Variants in CSMD1 observed in about 807,000 individuals in gnomAD.
CSMD1 encodes the protein CUB and sushi domain-containing protein 1.
In CSMD1, 213 loss-of-function variants were observed where a neutral mutation model predicts 417.5. The ratio of observed to expected loss-of-function variants is 0.51; its 90% confidence interval spans 0.46 to 0.57. The LOEUF is 0.57. Ranked by LOEUF, CSMD1 falls within the 20% of genes least tolerant of loss-of-function variation. The pLI, the probability that CSMD1 is intolerant of heterozygous loss-of-function variation, is 0.00. For missense variants in CSMD1, 6,923 were observed against 4,529.7 expected, an observed-to-expected ratio of 1.53 and a Z score of -15.17; for synonymous variants, 2,862 against 1,736.8, an observed-to-expected ratio of 1.65 and a Z score of -16.11.
chr8:3,549,172 G>A (rs951207357), intron 10 of CSMD1, among the ~76,000 whole-genome samples: 10 of 152,148 alleles, frequency 6.6e-5, no homozygotes, highest in Admixed American at 3.3e-4. Context: ...TACAGCTCAC[G>A]GTCCACATCC....
intron 2 of CSMD1, among the ~76,000 whole-genome samples, chr8:4,513,276 C>A (rs1438953488): frequency 6.6e-6 from 1 of 151,962 alleles, no homozygotes; most frequent in Non-Finnish European, 1.5e-5. Context: ...TTTTTTTTAA[C>A]CTTCCCCTTA....
At chr8:3,116,360 A>G (rs879434951) in intron 42 of CSMD1, among the ~76,000 whole-genome samples, 3 of 139,790 alleles carry the variant, frequency 2.1e-5, no homozygotes, top group Non-Finnish European at 4.4e-5. Flanking sequence ...GGCATGGATC[A>G]GAGAGATATG....
chr8:3,879,938 C>G (rs532225774), intron 5 of CSMD1, among the ~76,000 whole-genome samples: 7 of 152,116 alleles, frequency 4.6e-5, no homozygotes, highest in African/African-American at 1.7e-4. Flanking sequence ...TGTGATACGA[C>G]TTACTACATA....
chr8:4,537,417 G>C (rs936741480), intron 2 of CSMD1, among the ~76,000 whole-genome samples: 1 of 152,024 alleles, frequency 6.6e-6, no homozygotes, highest in Non-Finnish European at 1.5e-5. Context: ...TCTGTTTTGT[G>C]ATTATTCCTA....
At chr8:3,650,731 G>A (rs967236016) in intron 7 of CSMD1, among the ~76,000 whole-genome samples, 5 of 152,166 alleles carry the variant, frequency 3.3e-5, no homozygotes, top group African/African-American at 7.2e-5. Context: ...GACTCAATTC[G>A]ATGACTTCTT....
At chr8:3,466,715 C>G (rs762177557) in intron 12 of CSMD1, among the ~76,000 whole-genome samples, 1 of 151,934 alleles carries the variant, frequency 6.6e-6, no homozygotes, top group African/African-American at 2.4e-5. Context: ...AGGTGTCAGC[C>G]CCCCTGCCCG....
intron 1 of CSMD1, among the ~76,000 whole-genome samples, chr8:4,825,375 C>T (rs1251461728): frequency 6.6e-6 from 1 of 152,078 alleles, no homozygotes; most frequent in Admixed American, 6.6e-5. Flanking sequence ...GATTTATTCG[C>T]TTCACCAGTT....
At chr8:4,973,796 A>C (rs975207766) in intron 1 of CSMD1, among the ~76,000 whole-genome samples, 3 of 152,188 alleles carry the variant, frequency 2.0e-5, no homozygotes, top group African/African-American at 7.2e-5. Flanking sequence ...ATTTTATGTA[A>C]TAACTTAGCT....
At chr8:4,404,639 T>A (rs531038291) in intron 3 of CSMD1, among the ~76,000 whole-genome samples, 2 of 152,150 alleles carry the variant, frequency 1.3e-5, no homozygotes, top group Non-Finnish European at 2.9e-5. Flanking sequence ...TAATGTGAAT[T>A]TATATTAAAT....
intron 1 of CSMD1, among the ~76,000 whole-genome samples, chr8:4,778,018 C>A (rs993049219): frequency 6.6e-6 from 1 of 152,082 alleles, no homozygotes; most frequent in Non-Finnish European, 1.5e-5. Context: ...AATATATTCC[C>A]GTTCTAGATG....
Position 3,916,861 on chromosome 8 carries a change from C to A in CSMD1, c.818+81042G>T, listed in dbSNP as rs1375266291. Among the ~76,000 whole-genome samples, 5 of 151,846 alleles carry A rather than the reference C, an allele frequency of 3.3e-5. No homozygotes were observed. In the South Asian group the frequency reaches 6.2e-4, roughly 19 times the overall value. ...TGCAGGTTAGAGAGATAAGGACTTG[C>A]ACCAAATAAAAGTCCCTAGCTGGTC... is the stretch of plus-strand genomic sequence containing the variant. On this transcript the variant is annotated intron_variant, in intron 5 of 69. Coordinates refer to ENST00000635120, the MANE Select transcript of CSMD1 (RefSeq NM_033225.6).
In CSMD1 at chr8:3,293,231, G is replaced by A. The variant is rs1053225904; in HGVS notation, c.3951-8885C>T. Among the ~76,000 whole-genome samples, 4 of 152,094 alleles carry A rather than the reference G, an allele frequency of 2.6e-5. No individual in the cohort carries two copies. In the South Asian group the frequency reaches 6.2e-4, roughly 24 times the overall value. On this transcript the variant is annotated intron_variant, in intron 25 of 69. Coordinates refer to ENST00000635120, the MANE Select transcript of CSMD1 (RefSeq NM_033225.6). ...GATGGGCTTCCTTTTGTGGGTAACC[G>A]GACCTTTCTCTCTGGCTGCCTTTAA...
At chr8:4,412,344 A>G (rs552983356) in intron 3 of CSMD1, among the ~76,000 whole-genome samples, 19 of 150,912 alleles carry the variant, frequency 1.3e-4, no homozygotes, top group African/African-American at 4.4e-4. Context: ...ATTGAACTGA[A>G]AAGTGTGTGG....
At chr8:4,398,388 C>CTTTTTTTTTTT (rs767579097) in intron 3 of CSMD1, among the ~76,000 whole-genome samples, 1 of 114,494 alleles carries the variant, frequency 8.7e-6, no homozygotes, top group Non-Finnish European at 1.7e-5. Context: ...GCTGCAACTT[C>CTTTTTTTTTTT]TTTTTTTTTT....
intron 5 of CSMD1, among the ~76,000 whole-genome samples, chr8:3,963,735 C>G (rs927996359): frequency 3.3e-5 from 5 of 152,054 alleles, no homozygotes; most frequent in African/African-American, 1.2e-4. Context: ...GATAGCAAAA[C>G]AAAAGCTATA....
At chr8:3,663,265 C>T (rs1466796543) in intron 7 of CSMD1, among the ~76,000 whole-genome samples, 3 of 152,256 alleles carry the variant, frequency 2.0e-5, no homozygotes, top group African/African-American at 7.2e-5. Context: ...TGAGAGAGTG[C>T]TGATACTACT....
intron 1 of CSMD1, among the ~76,000 whole-genome samples, chr8:4,665,015 C>A (rs1338387662): frequency 6.6e-6 from 1 of 152,056 alleles, no homozygotes; most frequent in Admixed American, 6.6e-5. Context: ...TTTATTATTA[C>A]CAAATATTTT....
At chr8:4,688,985 C>G in intron 1 of CSMD1, among the ~76,000 whole-genome samples, 1 of 152,220 alleles carries the variant, frequency 6.6e-6, no homozygotes, top group Non-Finnish European at 1.5e-5. Flanking sequence ...TATCAATTAC[C>G]CAGAGGAAGT....
intron 26 of CSMD1, among the ~76,000 whole-genome samples, chr8:3,243,355 G>A (rs1437335537): frequency 3.9e-5 from 6 of 152,146 alleles, no homozygotes; most frequent in Non-Finnish European, 8.8e-5. Flanking sequence ...CACCAAACAG[G>A]CTTTGTGTGA....
Sources: allele counts gnomAD v4.1 joint callset (sites outside exome capture counted in the v4.1 genomes callset), GRCh38; gene constraint gnomAD v4.1.1; transcripts MANE v1.5; gene names NCBI Gene and HGNC (gene_info 2026-07-23, HGNC 2026-07-21).